The following NPLOC4 variants were observed in gnomAD, a reference collection of about 807,000 sequenced individuals.
The protein encoded by NPLOC4 is nuclear protein localization protein 4 homolog.
In NPLOC4, 18 loss-of-function variants were observed where a neutral mutation model predicts 80.6. The observed-to-expected ratio is 0.22, with a 90% CI of 0.15 to 0.33. The LOEUF (loss-of-function observed/expected upper bound fraction) is 0.33, where lower values mean the gene tolerates loss of function less well. NPLOC4 is among the 10% of genes least tolerant of loss of function. NPLOC4 has a pLI of 1.00. For synonymous variants in NPLOC4, 313 were observed against 301.5 expected, an observed-to-expected ratio of 1.04 and a Z score of -0.39; for missense variants, 540 against 786.1, an observed-to-expected ratio of 0.69 and a Z score of 3.74.
intron 8 of NPLOC4, among the ~76,000 whole-genome samples, 160 bp from the exon 9 acceptor site, chr17:81,600,587 C>G (rs1362125273): frequency 6.6e-6 from 1 of 152,038 alleles, no homozygotes; most frequent in Non-Finnish European, 1.5e-5. Flanking sequence ...CGACACGCCT[C>G]CCGGCTTCTC....
intron 4 of NPLOC4, chr17:81,612,849 G>A (rs1336783654): frequency 6.5e-6 from 1 of 154,030 alleles, no homozygotes; most frequent in Admixed American, 6.5e-5. Flanking sequence ...GCACACTAGT[G>A]TGGCAGGTCA....
At chr17:81,596,292 A>C (rs760243065) in intron 10 of NPLOC4, 50 bp from the exon 11 acceptor site, 9 of 1,577,004 alleles carry the variant, frequency 5.7e-6, no homozygotes. Context: ...ATGCCAAAAT[A>C]TACTTCTATT....
Position 81,608,784 on chromosome 17 carries a change from G to T in NPLOC4, c.474C>A (p.Pro158=), listed in dbSNP as rs762144983. 1.3e-6 allele frequency: 2 copies of T among 1,591,712 alleles called. No homozygotes were observed. Among genetic ancestry groups the T allele is most frequent in the African/African-American group, 1.3e-5 (1 of 74,718 alleles). The change falls in exon 6 of 17, where the codon CCC becomes CCA. Residue 158 remains proline, a synonymous_variant. Coordinates refer to ENST00000331134, the MANE Select transcript of NPLOC4 (RefSeq NM_017921.4). ...DEDYLNHLEP[P]VKHMSFHAYI... is the part of the protein sequence containing the mutation. ...AGGCGTGGAAGGACATGTGCTTCAC[G>T]GGAGGCTCGAGATGGTTTAGATAGT...
chr17:81,630,034 T>G (rs1184507317), intron 1 of NPLOC4, among the ~76,000 whole-genome samples: 1 of 152,122 alleles, frequency 6.6e-6, no homozygotes, highest in Non-Finnish European at 1.5e-5. Context: ...CAACTCTTAG[T>G]TTCACTCAGA....
intron 12 of NPLOC4, among the ~76,000 whole-genome samples, chr17:81,579,791 T>C (rs562936003): frequency 8.5e-5 from 13 of 152,142 alleles, no homozygotes; most frequent in Non-Finnish European, 1.2e-4. Flanking sequence ...TCAATCCCAC[T>C]TCCCATACTG....
intron 12 of NPLOC4, among the ~76,000 whole-genome samples, chr17:81,585,031 G>T (rs745648236): frequency 6.6e-6 from 1 of 151,984 alleles, no homozygotes; most frequent in Non-Finnish European, 1.5e-5. Flanking sequence ...TCAGCCAGGC[G>T]TGGCAGCGTG....
chr17:81,604,839 A>C, intron 7 of NPLOC4, 112 bp from the exon 8 acceptor site: 1 of 979,544 alleles, frequency 1.0e-6, no homozygotes, highest in South Asian at 1.7e-5. Flanking sequence ...TTAAAAAACA[A>C]ACCAATAGGG....
chr17:81,563,984 G>A lies in NPLOC4; in HGVS notation c.1669+1521C>T, dbSNP rs1039171760. On this transcript the variant is annotated intron_variant, in intron 16 of 16. Coordinates refer to ENST00000331134, the MANE Select transcript of NPLOC4 (RefSeq NM_017921.4). The stretch of plus-strand genomic sequence containing the variant: ...TAATCCCAGCTACTCGGGAGGCTGA[G>A]GGAGGGGAATTGCTTCAACCCAGGA... The A allele has an allele frequency of 4.2e-5, 19 of 451,058 alleles. No individual in the cohort carries two copies. In the Admixed American group the frequency reaches 4.5e-4, roughly 11 times the overall value. The allele number at this position is 451,058 out of a possible 1,614,324, so 27.9% of individuals were successfully genotyped here.
chr17:81,564,201 C>G, intron 16 of NPLOC4: 1 of 186,274 alleles, frequency 5.4e-6, no homozygotes, highest in South Asian at 7.1e-5. Flanking sequence ...ACCTCAGCAT[C>G]AGGCAATATA....
At chr17:81,629,565 T>A (rs2035880154) in intron 2 of NPLOC4, among the ~76,000 whole-genome samples, 160 bp downstream of exon 2, 1 of 152,036 alleles carries the variant, frequency 6.6e-6, no homozygotes, top group South Asian at 2.1e-4. Flanking sequence ...AAACATCTCA[T>A]CCTATAGCAA....
chr17:81,634,068 C>T (rs563519694), intron 1 of NPLOC4, among the ~76,000 whole-genome samples: 118 of 151,786 alleles, frequency 7.8e-4, no homozygotes, highest in African/African-American at 2.8e-3. Context: ...CGTGGGGTTT[C>T]ACCGTGTTGC....
At chr17:81,604,423 C>A in intron 8 of NPLOC4, 125 bp downstream of exon 8, 1 of 785,176 alleles carries the variant, frequency 1.3e-6, no homozygotes, top group South Asian at 2.0e-5. Flanking sequence ...ATGTTGTGCA[C>A]GTGCACCGGT....
intron 11 of NPLOC4, among the ~76,000 whole-genome samples, chr17:81,590,808 G>C (rs1300423139): frequency 1.3e-5 from 2 of 152,180 alleles, no homozygotes; most frequent in East Asian, 3.9e-4. Flanking sequence ...ATCAAAAAAG[G>C]TGAGGGAGGA....
At chr17:81,605,810 AACAAAC>A (rs1241653753) in intron 7 of NPLOC4, among the ~76,000 whole-genome samples, 1 of 146,722 alleles carries the variant, frequency 6.8e-6, no homozygotes, top group East Asian at 2.4e-4. Context: ...TAGGGCAAAA[AACAAAC>A]ACATTTTCTT....
chr17:81,617,477 T>A (rs1157377151), intron 3 of NPLOC4, among the ~76,000 whole-genome samples: 1 of 152,042 alleles, frequency 6.6e-6, no homozygotes, highest in East Asian at 1.9e-4. Flanking sequence ...AGTTCAAGAC[T>A]AGCCTGACCA....
intron 2 of NPLOC4, among the ~76,000 whole-genome samples, chr17:81,626,297 C>T (rs1025326765): frequency 3.6e-4 from 52 of 146,174 alleles, no homozygotes; most frequent in African/African-American, 1.2e-3. Flanking sequence ...GCCTGGGCAA[C>T]AGAGCGAGAC....
rs200897859 is a variant in NPLOC4, at chr17:81,631,437, T to TATATATATATATATATATA, written c.16-1633_16-1632insTATATATATATATATATAT. ...TAAAGTGTACATATATATATATATA[T>TATATATATATATATATATA]TTTTTTTTTTTTTTTTTTTTTTTTT... On this transcript the variant is annotated intron_variant, in intron 1 of 16. Transcript: ENST00000331134. Among the ~76,000 whole-genome samples the TATATATATATATATATATA allele has an allele frequency of 5.1e-3, 216 of 42,772 alleles. 2 individuals carry two copies. Among genetic ancestry groups the TATATATATATATATATATA allele is most frequent in the Middle Eastern group, 0.015 (1 of 68 alleles). 28.1% of individuals were successfully genotyped at this position (42,772 alleles called of 152,430 possible).
chr17:81,565,336 C>G (rs535594256), intron 16 of NPLOC4, 169 bp downstream of exon 16: 5 of 712,092 alleles, frequency 7.0e-6, no homozygotes, highest in Non-Finnish European at 1.3e-5. Flanking sequence ...GAGCCTGCCA[C>G]GTGCCTGGCA....
At chr17:81,614,095 T>C (rs1404591129) in intron 3 of NPLOC4, among the ~76,000 whole-genome samples, 1 of 151,462 alleles carries the variant, frequency 6.6e-6, no homozygotes, top group Non-Finnish European at 1.5e-5. Context: ...GCCAACAGGG[T>C]GAAATCTCGT....
Sources: allele counts gnomAD v4.1 joint callset (sites outside exome capture counted in the v4.1 genomes callset), GRCh38; gene constraint gnomAD v4.1.1; transcripts MANE v1.5; gene names NCBI Gene and HGNC (gene_info 2026-07-23, HGNC 2026-07-21).